JPH3: variants seen among roughly 807,000 people sequenced by gnomAD.
JPH3 encodes junctophilin 3.
A neutral mutation model predicts 59.6 loss-of-function variants in JPH3; 11 were observed. The observed-to-expected ratio is 0.18, with a 90% confidence interval of 0.12 to 0.31. JPH3 has a LOEUF of 0.31. Ranked by LOEUF, JPH3 falls within the 10% of genes least tolerant of loss-of-function variation. The probability of loss-of-function intolerance (pLI) is 1.00; values close to 1 mark genes in which losing one functional copy is unlikely to be tolerated. For synonymous variants in JPH3, 673 were observed against 483.6 expected (o/e 1.39, Z -5.14); for missense variants, 1,202 against 1,105.7 (o/e 1.09, Z -1.24).
At chr16:87,665,974 G>A (rs2032847905) in intron 2 of JPH3, among the ~76,000 whole-genome samples, 1 of 152,226 alleles carries the variant, frequency 6.6e-6, no homozygotes, top group Non-Finnish European at 1.5e-5. Context: ...CTCCTCACCA[G>A]GTACTAAACC....
At chr16:87,617,297 C>T (rs541203837) in intron 1 of JPH3, among the ~76,000 whole-genome samples, 8 of 152,132 alleles carry the variant, frequency 5.3e-5, no homozygotes, top group African/African-American at 1.4e-4. Flanking sequence ...CGGTGTCCCA[C>T]GGTGTGGATG....
intron 3 of JPH3, among the ~76,000 whole-genome samples, chr16:87,686,071 G>A (rs1307958080): frequency 6.9e-6 from 1 of 144,144 alleles, no homozygotes; most frequent in Non-Finnish European, 1.5e-5. Context: ...GTGGCTGGAG[G>A]GTGGCTGGAG....
chr16:87,609,886 A>G (rs576413844), intron 1 of JPH3, among the ~76,000 whole-genome samples: 1 of 152,310 alleles, frequency 6.6e-6, no homozygotes, highest in East Asian at 1.9e-4. Flanking sequence ...CATTCTATTT[A>G]TTGTGTGCTT....
At chr16:87,695,885 G>T (rs763909554) in intron 4 of JPH3, 1 of 456,108 alleles carries the variant, frequency 2.2e-6, no homozygotes, top group East Asian at 6.9e-5. Flanking sequence ...CAGGCTGTGC[G>T]GCTGAAGGGG....
chr16:87,654,965 G>C (rs1264171648), intron 2 of JPH3: 1 of 152,260 alleles, frequency 6.6e-6, no homozygotes, highest in Non-Finnish European at 1.5e-5. Flanking sequence ...GGAAAACGCT[G>C]TCACCGCAAA....
chr16:87,644,070 C>G lies in JPH3; in HGVS notation c.383-188C>G, dbSNP rs768957599. 5.7e-4 allele frequency among the ~76,000 whole-genome samples: 87 copies of G among 152,304 alleles called. 1 individual carries two copies. Among genetic ancestry groups the G allele is most frequent in the Middle Eastern group, 3.4e-3 (1 of 294 alleles). Reference sequence around the variant, plus strand: ...GGAGGATCGCCTGAGCCCAGGGGTTCCTGGCTGTCGTGAGCTGTGATGGTC... The same window carrying G: ...GGAGGATCGCCTGAGCCCAGGGGTTGCTGGCTGTCGTGAGCTGTGATGGTC... On this transcript the variant is annotated intron_variant, in intron 1 of 4. Coordinates refer to ENST00000284262, the MANE Select transcript of JPH3 (RefSeq NM_020655.4).
intron 1 of JPH3, among the ~76,000 whole-genome samples, chr16:87,612,222 C>T (rs1047836381): frequency 7.9e-5 from 12 of 152,306 alleles, no homozygotes; most frequent in African/African-American, 2.9e-4. Context: ...CTCCTGGCCT[C>T]AAGCCATCTT....
chr16:87,646,075 A>G (rs2032139649), intron 2 of JPH3, among the ~76,000 whole-genome samples: 1 of 152,188 alleles, frequency 6.6e-6, no homozygotes, highest in African/African-American at 2.4e-5. Flanking sequence ...CTGCCCAGGC[A>G]GGAGGCTTCC....
At chr16:87,680,424 C>T (rs1164838316) in intron 2 of JPH3, among the ~76,000 whole-genome samples, 2 of 152,170 alleles carry the variant, frequency 1.3e-5, no homozygotes, top group African/African-American at 4.8e-5. Flanking sequence ...TGTGCTCTGG[C>T]CCAGGAACCG....
intron 2 of JPH3, among the ~76,000 whole-genome samples, chr16:87,668,505 C>G (rs367549040): frequency 1.3e-5 from 2 of 152,148 alleles, no homozygotes; most frequent in South Asian, 4.1e-4. Flanking sequence ...TGGCGTGGCC[C>G]GTCACACTCA....
chr16:87,662,544 C>T (rs941864281), intron 2 of JPH3, among the ~76,000 whole-genome samples: 5 of 152,042 alleles, frequency 3.3e-5, no homozygotes, highest in Non-Finnish European at 5.9e-5. Flanking sequence ...GGTCAAGGGT[C>T]TTTGGGGTGG....
At chr16:87,628,240 C>A (rs1474806964) in intron 1 of JPH3, among the ~76,000 whole-genome samples, 1 of 152,272 alleles carries the variant, frequency 6.6e-6, no homozygotes, top group Non-Finnish European at 1.5e-5. Context: ...GACGATGGTG[C>A]TGGCATGGGC....
intron 2 of JPH3, among the ~76,000 whole-genome samples, chr16:87,670,101 C>G (rs2032975637): frequency 6.6e-6 from 1 of 152,148 alleles, no homozygotes; most frequent in Non-Finnish European, 1.5e-5. Context: ...CCTAGACCCC[C>G]AAGGCCCTGA....
At position 87,645,135 on chromosome 16, in the gene JPH3, C is replaced by T. The variant is rs114759980; in HGVS notation, c.1160+100C>T. 7.8e-6 allele frequency: 10 copies of T among 1,288,016 alleles called. No individual in the cohort carries two copies. The East Asian group carries it at 9.7e-5, about 13-fold the overall frequency. 79.8% of individuals were successfully genotyped at this position (1,288,016 alleles called of 1,614,324 possible). ...CTGTCGCTCAAGGCCTTGGGCTAGG[C>T]CCAGTTTGAGGCCTACACTGGTGTT... On this transcript the variant is annotated intron_variant, in intron 2 of 4. Transcript: ENST00000284262.
chr16:87,630,304 T>C (rs1046176987), intron 1 of JPH3, among the ~76,000 whole-genome samples: 20 of 152,336 alleles, frequency 1.3e-4, no homozygotes, highest in African/African-American at 4.8e-4. Context: ...ACGGTGCTTT[T>C]GGCCTCTGGC....
At chr16:87,605,035 G>T (rs1313240800) in intron 1 of JPH3, 3 of 430,886 alleles carry the variant, frequency 7.0e-6, no homozygotes, top group Admixed American at 5.0e-5. Flanking sequence ...AGCAGATGTG[G>T]GTGGCTGAGA....
At chr16:87,651,314 A>G (rs1351911163) in intron 2 of JPH3, among the ~76,000 whole-genome samples, 4 of 152,250 alleles carry the variant, frequency 2.6e-5, no homozygotes. Context: ...CGTGCCTGCT[A>G]ACATAACATC....
At position 87,690,224 on chromosome 16, in the gene JPH3, G is replaced by A. The variant is rs780177994; in HGVS notation, c.1864G>A (p.Glu622Lys). 11 of 1,604,486 alleles carry A rather than the reference G, an allele frequency of 6.9e-6. No homozygotes were observed. In the East Asian group the frequency reaches 1.8e-4, roughly 26 times the overall value. Residue 622 changes from glutamate (E) to lysine (K), a missense_variant, in exon 4 of 5, where the codon GAG becomes AAG. Transcript: ENST00000284262. ...GGAGATGAAACCCTTGCTGAGGATGGAGACGCATCCCCAGAAAAGACGCTA... is the reference window on the plus strand; with the variant it reads ...GGAGATGAAACCCTTGCTGAGGATGAAGACGCATCCCCAGAAAAGACGCTA... ...RMEMKPLLRM[E>K]THPQKRRYSK...
intron 1 of JPH3, chr16:87,604,424 A>G (rs1256991308): frequency 1.4e-6 from 2 of 1,395,214 alleles, no homozygotes; most frequent in South Asian, 1.2e-5. Flanking sequence ...CCTGACACGC[A>G]TGGAGCCGGT....
Sources: gnomAD v4.1 joint callset for allele counts (sites outside exome capture counted in the v4.1 genomes callset) on GRCh38, gnomAD v4.1.1 for gene constraint, MANE v1.5 for transcripts, NCBI Gene and HGNC (gene_info 2026-07-23, HGNC 2026-07-21) for gene names.